The following LGSN variants were observed in gnomAD, a reference collection of about 807,000 sequenced individuals.
The protein encoded by LGSN is lengsin.
In LGSN, 21 loss-of-function variants were observed where a neutral mutation model predicts 19.5. The observed-to-expected ratio is 1.07, with a 90% confidence interval of 0.76 to 1.55. LGSN has a LOEUF of 1.55. LGSN is among the 40% of genes most tolerant of loss of function. The pLI, the probability that LGSN is intolerant of heterozygous loss-of-function variation, is 0.00. For synonymous variants in LGSN, 257 were observed against 215.6 expected, an observed-to-expected ratio of 1.19 and a Z score of -1.68; for missense variants, 673 against 608.5, an observed-to-expected ratio of 1.11 and a Z score of -1.12.
intron 1 of LGSN, among the ~76,000 whole-genome samples, chr6:63,296,652 T>C (rs1426504499): frequency 6.6e-6 from 1 of 152,110 alleles, no homozygotes; most frequent in Non-Finnish European, 1.5e-5. Flanking sequence ...ATTGAAGGAA[T>C]TGGGTGACAT....
At chr6:63,440,288 C>G in the LGSN span, among the ~76,000 whole-genome samples, 1 of 152,274 alleles carries the variant, frequency 6.6e-6, no homozygotes, top group Non-Finnish European at 1.5e-5. Context: ...CGGGGTGGAG[C>G]CTCGCGAAGT....
chr6:63,365,928 G>A, the LGSN span, among the ~76,000 whole-genome samples: 1 of 152,266 alleles, frequency 6.6e-6, no homozygotes, highest in African/African-American at 2.4e-5. Flanking sequence ...AAGTATTGAT[G>A]GGATGTATCT....
chr6:63,519,493 A>G, the LGSN span, among the ~76,000 whole-genome samples: 1 of 152,202 alleles, frequency 6.6e-6, no homozygotes, highest in Non-Finnish European at 1.5e-5. Context: ...GGTGAGGGAA[A>G]TACTAATGAT....
chr6:63,400,452 T>C, the LGSN span, among the ~76,000 whole-genome samples: 1 of 152,226 alleles, frequency 6.6e-6, no homozygotes, highest in Non-Finnish European at 1.5e-5. Flanking sequence ...GCAGGCCATC[T>C]CGCTAGATAA....
At chr6:63,486,348 C>G in the LGSN span, among the ~76,000 whole-genome samples, 1 of 152,140 alleles carries the variant, frequency 6.6e-6, no homozygotes, top group East Asian at 1.9e-4. Context: ...TCCTACCTGT[C>G]AAGCAGCCAA....
At chr6:63,289,834 C>T (rs2127385675) in intron 2 of LGSN, among the ~76,000 whole-genome samples, 1 of 152,272 alleles carries the variant, frequency 6.6e-6, no homozygotes, top group East Asian at 1.9e-4. Flanking sequence ...CTCTGGAATA[C>T]ATTCAGCTTA....
the LGSN span, among the ~76,000 whole-genome samples, chr6:63,408,778 T>G: frequency 6.6e-6 from 1 of 151,972 alleles, no homozygotes; most frequent in Admixed American, 6.6e-5. Context: ...CGCAACCTAC[T>G]TATCTGACAA....
chr6:63,494,332 T>C, the LGSN span, among the ~76,000 whole-genome samples: 2 of 152,162 alleles, frequency 1.3e-5, no homozygotes, highest in Non-Finnish European at 2.9e-5. Context: ...TTATAAGTCT[T>C]ATGTGTTCAC....
At chr6:63,355,687 T>C in the LGSN span, among the ~76,000 whole-genome samples, 1 of 152,166 alleles carries the variant, frequency 6.6e-6, no homozygotes, top group Non-Finnish European at 1.5e-5. Flanking sequence ...TGTCTTTTTG[T>C]TTTGTTTTGA....
chr6:63,572,418 T>G, the LGSN span: 1 of 351,100 alleles, frequency 2.8e-6, no homozygotes, highest in East Asian at 4.2e-5. Flanking sequence ...CAGGCCGCGA[T>G]TGGTGGCTGG....
chr6:63,573,239 C>A, the LGSN span: 1 of 152,784 alleles, frequency 6.5e-6, no homozygotes, highest in South Asian at 2.1e-4. Flanking sequence ...GCGCGTGTCA[C>A]TGCGGAGCCG....
the LGSN span, among the ~76,000 whole-genome samples, chr6:63,503,258 T>A: frequency 6.6e-6 from 1 of 152,220 alleles, no homozygotes; most frequent in African/African-American, 2.4e-5. Context: ...AAGATATAAC[T>A]TATGAATGAG....
At chr6:63,475,089 C>T in the LGSN span, among the ~76,000 whole-genome samples, 2 of 151,948 alleles carry the variant, frequency 1.3e-5, no homozygotes, top group African/African-American at 2.4e-5. Flanking sequence ...GAACAATGAC[C>T]TCTATAAGGA....
At chr6:63,309,859 A>G (rs1768552973) in intron 1 of LGSN, among the ~76,000 whole-genome samples, 2 of 152,188 alleles carry the variant, frequency 1.3e-5, no homozygotes. Context: ...ATTTCTAGCC[A>G]TTCTCTGTGC....
chr6:63,394,467 T>A, the LGSN span, among the ~76,000 whole-genome samples: 4 of 152,148 alleles, frequency 2.6e-5, no homozygotes. Context: ...AGGAAGTTAC[T>A]CTGTATGGTT....
chr6:63,374,788 C>T, the LGSN span, among the ~76,000 whole-genome samples: 1 of 152,198 alleles, frequency 6.6e-6, no homozygotes, highest in Non-Finnish European at 1.5e-5. Flanking sequence ...GGCCCCTTTC[C>T]GTTATTGTCT....
the LGSN span, among the ~76,000 whole-genome samples, chr6:63,477,965 C>T: frequency 6.6e-6 from 1 of 151,834 alleles, no homozygotes; most frequent in Non-Finnish European, 1.5e-5. Context: ...TCCTCCTCCC[C>T]CTACTCATCT....
At chr6:63,461,365 T>C in the LGSN span, among the ~76,000 whole-genome samples, 1 of 152,182 alleles carries the variant, frequency 6.6e-6, no homozygotes, top group Non-Finnish European at 1.5e-5. Flanking sequence ...TCTGTGCTCT[T>C]TTGGTTTTCT....
the LGSN span, among the ~76,000 whole-genome samples, chr6:63,397,457 A>G: frequency 6.6e-6 from 1 of 152,104 alleles, no homozygotes; most frequent in Non-Finnish European, 1.5e-5. Flanking sequence ...GGGAGAAAAA[A>G]AAAAAAAAAC....
Sources: allele counts gnomAD v4.1 joint callset (sites outside exome capture counted in the v4.1 genomes callset), GRCh38; gene constraint gnomAD v4.1.1; transcripts MANE v1.5; gene names NCBI Gene and HGNC (gene_info 2026-07-23, HGNC 2026-07-21).